Variants in ROBO2 observed in about 807,000 individuals in gnomAD.
The protein encoded by ROBO2 is roundabout guidance receptor 2, also known as roundabout homolog 2.
Under a neutral mutation model 160.8 loss-of-function variants are expected in ROBO2, and 53 were observed. The ratio of observed to expected loss-of-function variants is 0.33; its 90% CI spans 0.26 to 0.41. The LOEUF (loss-of-function observed/expected upper bound fraction) is 0.41, where lower values mean the gene tolerates loss of function less well. Ranked by LOEUF, ROBO2 falls within the 10% of genes least tolerant of loss-of-function variation. ROBO2 has a pLI of 1.00. For synonymous variants in ROBO2, 664 were observed against 611.7 expected (o/e 1.09, Z -1.26); for missense variants, 1,577 against 1,722.4 (o/e 0.92, Z 1.49).
At chr3:76,913,437 G>A (rs143391381) in intron 2 of ROBO2, among the ~76,000 whole-genome samples, 54 of 152,266 alleles carry the variant, frequency 3.5e-4, no homozygotes, top group African/African-American at 1.3e-3. Context: ...CCAGTTATAT[G>A]TTCTACCTGT....
At chr3:77,181,052 T>G (rs1294021287) in intron 2 of ROBO2, among the ~76,000 whole-genome samples, 1 of 152,114 alleles carries the variant, frequency 6.6e-6, no homozygotes, top group Non-Finnish European at 1.5e-5. Context: ...ATCCCCTAAC[T>G]GTGACCTTCA....
chr3:77,314,794 T>A (rs1444893854), intron 2 of ROBO2, among the ~76,000 whole-genome samples: 1 of 152,214 alleles, frequency 6.6e-6, no homozygotes, highest in East Asian at 1.9e-4. Context: ...CCCAAAATTG[T>A]TTCATTCAAT....
intron 2 of ROBO2, among the ~76,000 whole-genome samples, chr3:76,840,447 A>T (rs2068117978): frequency 6.6e-6 from 1 of 151,266 alleles, no homozygotes; most frequent in Non-Finnish European, 1.5e-5. Context: ...GTCTCTACTA[A>T]AAATACAAAA....
intron 2 of ROBO2, among the ~76,000 whole-genome samples, chr3:76,058,800 T>A (rs1353451124): frequency 7.2e-5 from 4 of 55,542 alleles, no homozygotes; most frequent in South Asian, 9.0e-4. Context: ...CCCTCCCCCC[T>A]CCCCCCACCC....
intron 2 of ROBO2, among the ~76,000 whole-genome samples, chr3:76,200,857 A>G (rs1291753154): frequency 6.6e-6 from 1 of 150,940 alleles, no homozygotes; most frequent in Non-Finnish European, 1.5e-5. Context: ...GCTTGGAGCC[A>G]GCTCACACGT....
At position 76,794,495 on chromosome 3, in the gene ROBO2, G is replaced by C. The variant is rs568300544; in HGVS notation, c.110-303519G>C. 9.2e-5 allele frequency among the ~76,000 whole-genome samples: 14 copies of C among 151,922 alleles called. No homozygotes were observed. The South Asian group carries it at 2.9e-3, about 32-fold the overall frequency. On this transcript the variant is annotated intron_variant, in intron 2 of 26. Coordinates refer to the ROBO2 transcript ENST00000487694. ...GTATACGTGAAGGTAATGTATCAAGGGTTTTGAAATTTGGGATAAAGCTGT... is the reference window on the plus strand; with the variant it reads ...GTATACGTGAAGGTAATGTATCAAGCGTTTTGAAATTTGGGATAAAGCTGT...
intron 2 of ROBO2, among the ~76,000 whole-genome samples, chr3:76,234,856 A>G (rs1704842850): frequency 6.6e-6 from 1 of 152,054 alleles, no homozygotes; most frequent in African/African-American, 2.4e-5. Flanking sequence ...TATATTTTGG[A>G]AGAAGAAAAC....
chr3:76,572,531 G>A (rs1465124398), intron 2 of ROBO2, among the ~76,000 whole-genome samples: 1 of 152,126 alleles, frequency 6.6e-6, no homozygotes, highest in Non-Finnish European at 1.5e-5. Context: ...CTTGAACAGT[G>A]TGCTCAAACA....
intron 2 of ROBO2, among the ~76,000 whole-genome samples, chr3:76,876,372 C>T (rs951843698): frequency 7.9e-5 from 12 of 152,040 alleles, no homozygotes; most frequent in Non-Finnish European, 1.3e-4. Context: ...GTTGCTTTGA[C>T]TTATATAAAG....
chr3:76,211,373 G>A (rs1302940472), intron 2 of ROBO2, among the ~76,000 whole-genome samples: 1 of 151,994 alleles, frequency 6.6e-6, no homozygotes, highest in Non-Finnish European at 1.5e-5. Flanking sequence ...AAGTCAGCCT[G>A]GAATTTTAGA....
At chr3:76,176,905 T>A (rs1345918343) in intron 2 of ROBO2, among the ~76,000 whole-genome samples, 2 of 152,110 alleles carry the variant, frequency 1.3e-5, no homozygotes, top group East Asian at 1.9e-4. Context: ...TCTGTAAAAC[T>A]ATACAACTAC....
chr3:76,169,871 C>G (rs1454685080), intron 2 of ROBO2, among the ~76,000 whole-genome samples: 1 of 152,118 alleles, frequency 6.6e-6, no homozygotes, highest in African/African-American at 2.4e-5. Flanking sequence ...AACTCCAGCT[C>G]CTGGGTTCAT....
rs181687762 is a variant in ROBO2 at position 77,527,283 on chromosome 3, A to G, written c.934+4381A>G. The G allele has an allele frequency of 1.7e-5, 10 of 589,826 alleles. No individual in the cohort carries two copies. The Admixed American group carries it at 3.2e-4, about 19-fold the overall frequency. The allele number at this position is 589,826 out of a possible 1,614,324, so 36.5% of individuals were successfully genotyped here. On this transcript the variant is annotated intron_variant, in intron 6 of 25. Coordinates refer to ENST00000461745, the Ensembl canonical transcript of ROBO2. ...TTGGTCATACTTGAATTGTGAGACT[A>G]GAAATCACTCTATTGTCCATACTTA...
chr3:76,264,850 C>G (rs563648080), intron 2 of ROBO2, among the ~76,000 whole-genome samples: 27 of 152,158 alleles, frequency 1.8e-4, no homozygotes, highest in African/African-American at 6.3e-4. Flanking sequence ...TCTGATCTCT[C>G]CATTTAAAAT....
chr3:76,144,332 T>G (rs957136057), intron 2 of ROBO2, among the ~76,000 whole-genome samples: 6 of 152,032 alleles, frequency 3.9e-5, no homozygotes, highest in Admixed American at 3.9e-4. Context: ...TTTGAAGTAT[T>G]TTAGCTATTT....
rs534735291 is a variant in ROBO2, at chr3:77,334,114, A to G, written c.389-143300A>G. On this transcript the variant is annotated intron_variant, in intron 2 of 25. Transcript: ENST00000461745. The stretch of plus-strand genomic sequence containing the variant: ...TAATGCCTAAATGAACTCAACCACC[A>G]TGGAGAAGTGATAGTTTTGATTGGT... Among the ~76,000 whole-genome samples, 32 of 152,320 alleles carry G rather than the reference A, an allele frequency of 2.1e-4. 1 individual carries two copies. Among genetic ancestry groups the G allele is most frequent in the Admixed American group, 2.1e-3 (32 of 15,304 alleles).
intron 2 of ROBO2, among the ~76,000 whole-genome samples, chr3:76,552,832 A>C (rs1165566869): frequency 6.6e-6 from 1 of 152,202 alleles, no homozygotes; most frequent in Non-Finnish European, 1.5e-5. Flanking sequence ...CATAACTAAG[A>C]GTTTAGTAAT....
chr3:76,143,724 T>C (rs1372576553), intron 2 of ROBO2, among the ~76,000 whole-genome samples: 1 of 152,022 alleles, frequency 6.6e-6, no homozygotes, highest in South Asian at 2.1e-4. Flanking sequence ...GATTGGTAGA[T>C]CAAGAGATGG....
rs184691866 is a variant in ROBO2, at chr3:77,398,438, C to T, written c.389-78976C>T. Among the ~76,000 whole-genome samples, 59 of 152,040 alleles carry T rather than the reference C, an allele frequency of 3.9e-4. 1 individual carries two copies. The East Asian group carries it at 0.011, about 28-fold the overall frequency. ...ATACAATCAGAGAGAAACAGGGAGACTGAATGTAGTAGAATTCTCATTGTA... is the reference window on the plus strand; with the variant it reads ...ATACAATCAGAGAGAAACAGGGAGATTGAATGTAGTAGAATTCTCATTGTA... On this transcript the variant is annotated intron_variant, in intron 2 of 25. Coordinates refer to ENST00000461745, the Ensembl canonical transcript of ROBO2.
Sources: allele counts gnomAD v4.1 joint callset (sites outside exome capture counted in the v4.1 genomes callset), GRCh38; gene constraint gnomAD v4.1.1; transcripts MANE v1.5; gene names NCBI Gene and HGNC (gene_info 2026-07-23, HGNC 2026-07-21).